Variants in TRPC6 observed in about 807,000 individuals in gnomAD.
The protein encoded by TRPC6 is short transient receptor potential channel 6.
TRPC6 carries 55 observed loss-of-function variants against 90.7 expected under a neutral mutation model. The observed-to-expected ratio is 0.61, with a 90% CI of 0.49 to 0.76. TRPC6 has a LOEUF of 0.76. TRPC6 is among the 30% of genes least tolerant of loss of function. The pLI, the probability that TRPC6 is intolerant of heterozygous loss-of-function variation, is 0.00. For synonymous variants in TRPC6, 393 were observed against 393.0 expected, an observed-to-expected ratio of 1.00 and a Z score of 0.00; for missense variants, 989 against 1,122.7, an observed-to-expected ratio of 0.88 and a Z score of 1.70.
At chr11:101,570,375 C>G (rs1861934185) in intron 1 of TRPC6, among the ~76,000 whole-genome samples, 1 of 152,028 alleles carries the variant, frequency 6.6e-6, no homozygotes, top group South Asian at 2.1e-4. Flanking sequence ...AATAAGGAAG[C>G]AATTATTAGC....
chr11:101,456,947 C>T lies in TRPC6; in HGVS notation c.2485-1846G>A, dbSNP rs368146251. On this transcript the variant is annotated intron_variant, in intron 10 of 12. Coordinates refer to ENST00000344327, the MANE Select transcript of TRPC6 (RefSeq NM_004621.6). ...ATATTTCATAAAAAACTTAATGATACAGAGAAGAGTAAACCTATCCAATGG... is the reference window on the plus strand; with the variant it reads ...ATATTTCATAAAAAACTTAATGATATAGAGAAGAGTAAACCTATCCAATGG... Among the ~76,000 whole-genome samples the T allele has an allele frequency of 5.9e-5, 9 of 152,102 alleles. No individual in the cohort carries two copies. In the South Asian group the frequency reaches 1.9e-3, roughly 32 times the overall value.
chr11:101,460,735 C>T (rs553485116), intron 10 of TRPC6, among the ~76,000 whole-genome samples: 2 of 152,170 alleles, frequency 1.3e-5, no homozygotes, highest in East Asian at 3.9e-4. Context: ...TGCTCCTGAA[C>T]TATATGCTTA....
chr11:101,562,425 T>C (rs1489811828), intron 1 of TRPC6, among the ~76,000 whole-genome samples: 1 of 152,138 alleles, frequency 6.6e-6, no homozygotes. Context: ...ATTTCCAGGG[T>C]AAATCCCTTT....
chr11:101,512,043 C>T (rs1248314895), intron 1 of TRPC6, among the ~76,000 whole-genome samples: 1 of 152,022 alleles, frequency 6.6e-6, no homozygotes, highest in East Asian at 1.9e-4. Flanking sequence ...AATATTTTCT[C>T]ACCCTGTTCT....
At chr11:101,489,397 A>G (rs1300104706) in intron 3 of TRPC6, among the ~76,000 whole-genome samples, 1 of 152,072 alleles carries the variant, frequency 6.6e-6, no homozygotes, top group Non-Finnish European at 1.5e-5. Flanking sequence ...TAAATTTTAC[A>G]TACGGCTTTT....
At position 101,524,439 on chromosome 11, in the gene TRPC6, C is replaced by T. The variant is rs541157920; in HGVS notation, c.171-19641G>A. Among the ~76,000 whole-genome samples the T allele has an allele frequency of 8.5e-5, 13 of 152,190 alleles. No homozygotes were observed. In the East Asian group the frequency reaches 1.2e-3, roughly 14 times the overall value. On this transcript the variant is annotated intron_variant, in intron 1 of 12. Coordinates refer to ENST00000344327, the MANE Select transcript of TRPC6 (RefSeq NM_004621.6). ...AATTTTTTGGTATTTTTAGTAGAGA[C>T]GGGGTTTCACCATGTTAGCCAGGAT... is the stretch of plus-strand genomic sequence containing the variant.
chr11:101,504,892 T>C, intron 1 of TRPC6, 94 bp from the exon 2 acceptor site: 2 of 1,401,876 alleles, frequency 1.4e-6, no homozygotes, highest in Non-Finnish European at 2.0e-6. Context: ...TCCTCAAGTA[T>C]ATTAGATGTT....
At chr11:101,556,949 A>G (rs1861574089) in intron 1 of TRPC6, among the ~76,000 whole-genome samples, 1 of 152,242 alleles carries the variant, frequency 6.6e-6, no homozygotes, top group South Asian at 2.1e-4. Flanking sequence ...AAACAAAAGG[A>G]CAAAAAACCA....
intron 10 of TRPC6, among the ~76,000 whole-genome samples, chr11:101,461,152 A>G (rs1376500064): frequency 1.3e-5 from 2 of 152,308 alleles, no homozygotes; most frequent in East Asian, 3.9e-4. Flanking sequence ...ATATCCACTA[A>G]CTAGGGAAGG....
intron 4 of TRPC6, among the ~76,000 whole-genome samples, chr11:101,484,837 TATAAG>T (rs1411039393): frequency 2.0e-5 from 3 of 152,124 alleles, no homozygotes; most frequent in South Asian, 2.1e-4. Flanking sequence ...AAATTTTTGT[TATAAG>T]ATACACTTTT....
At chr11:101,538,788 A>G (rs1172968614) in intron 1 of TRPC6, among the ~76,000 whole-genome samples, 1 of 152,180 alleles carries the variant, frequency 6.6e-6, no homozygotes. Context: ...AGATGAAGAG[A>G]GTCATGAACC....
intron 1 of TRPC6, among the ~76,000 whole-genome samples, chr11:101,546,350 G>GAAATAAAAAAATAATGGAT (rs1267417655): frequency 1.8e-4 from 12 of 65,634 alleles, no homozygotes; most frequent in African/African-American, 2.5e-4. Flanking sequence ...GGGATTACAG[G>GAAATAAAAAAATAATGGAT]CGTGAGCCAC....
At chr11:101,577,447 T>A (rs539257503) in intron 1 of TRPC6, among the ~76,000 whole-genome samples, 2 of 152,236 alleles carry the variant, frequency 1.3e-5, no homozygotes, top group Admixed American at 1.3e-4. Flanking sequence ...AGGTCAGTGG[T>A]GGTATCTTTG....
intron 1 of TRPC6, among the ~76,000 whole-genome samples, chr11:101,582,693 C>G (rs376921504): frequency 2.0e-5 from 3 of 152,264 alleles, no homozygotes; most frequent in South Asian, 4.1e-4. Context: ...TCTCCCCAGA[C>G]GCCCCGGGTG....
chr11:101,527,300 T>C (rs1171915598), intron 1 of TRPC6, among the ~76,000 whole-genome samples: 1 of 152,196 alleles, frequency 6.6e-6, no homozygotes, highest in Non-Finnish European at 1.5e-5. Flanking sequence ...CACTAATTAC[T>C]CTGAAGCTTG....
intron 1 of TRPC6, among the ~76,000 whole-genome samples, chr11:101,505,136 T>C (rs984527908): frequency 1.3e-5 from 2 of 152,148 alleles, no homozygotes; most frequent in Non-Finnish European, 2.9e-5. Flanking sequence ...CTCTTATCCA[T>C]ATGCAGTCAC....
intron 10 of TRPC6, among the ~76,000 whole-genome samples, chr11:101,462,243 C>T (rs927630081): frequency 6.1e-4 from 93 of 152,122 alleles, no homozygotes; most frequent in Admixed American, 3.0e-3. Context: ...AAGTCAGGAG[C>T]GTGATGCCTC....
intron 1 of TRPC6, among the ~76,000 whole-genome samples, chr11:101,536,404 C>CT (rs200188891): frequency 0.1 from 15,348 of 149,570 alleles, 964 homozygotes; most frequent in Admixed American, 0.16. Flanking sequence ...CTCCCTCCCC[C>CT]CCACCAAAAA....
chr11:101,510,416 CT>C (rs1286031139), intron 1 of TRPC6, among the ~76,000 whole-genome samples: 3 of 152,168 alleles, frequency 2.0e-5, no homozygotes, highest in Non-Finnish European at 4.4e-5. Context: ...CATAGCACTA[CT>C]TCAACAAAAG....
Sources: allele counts gnomAD v4.1 joint callset (sites outside exome capture counted in the v4.1 genomes callset), GRCh38; gene constraint gnomAD v4.1.1; transcripts MANE v1.5; gene names NCBI Gene and HGNC (gene_info 2026-07-23, HGNC 2026-07-21).